CTDSPL: variants seen among roughly 807,000 people sequenced by gnomAD.
CTDSPL encodes CTD small phosphatase like.
In CTDSPL, 8 loss-of-function variants were observed where a neutral mutation model predicts 30.5. The ratio of observed to expected loss-of-function variants is 0.26; its 90% CI spans 0.15 to 0.47. The LOEUF (loss-of-function observed/expected upper bound fraction) is 0.47, where lower values mean the gene tolerates loss of function less well. Ranked by LOEUF, CTDSPL falls within the 20% of genes least tolerant of loss-of-function variation. The pLI is 0.99. For synonymous variants in CTDSPL, 110 were observed against 137.9 expected, an observed-to-expected ratio of 0.80 and a Z score of 1.42; for missense variants, 248 against 366.1, an observed-to-expected ratio of 0.68 and a Z score of 2.63.
Position 37,947,086 on chromosome 3 carries a change from C to A in CTDSPL, c.109C>A (p.Gln37Lys), listed in dbSNP as rs760547549. 2.5e-6 allele frequency: 4 copies of A among 1,613,790 alleles called. No individual in the cohort carries two copies. The highest frequency in any genetic ancestry group is 1.7e-5 in the Admixed American group (1 of 59,992). Residue 37 changes from glutamine (Q) to lysine (K), a missense_variant, in exon 2 of 8, where the codon CAG becomes AAG. This residue lies in a region of CTDSPL where 118 missense variants were observed against 124.7 expected (regional missense o/e 0.95). Coordinates refer to ENST00000273179, the MANE Select transcript of CTDSPL (RefSeq NM_001008392.2). ...CCAGTGCAACGTCAGCTTAAAGAAG[C>A]AGAGGAGCCGCAGCATCCTTAGCTC... is the stretch of plus-strand genomic sequence containing the variant. ...ASQCNVSLKK[Q>K]RSRSILSSFF...
rs1698827978 is a variant in CTDSPL at position 37,929,734 on chromosome 3, T to C, written c.80-17323T>C. On this transcript the variant is annotated intron_variant, in intron 1 of 7. Coordinates refer to ENST00000273179, the MANE Select transcript of CTDSPL (RefSeq NM_001008392.2). The stretch of plus-strand genomic sequence containing the variant: ...GATCATGTCGCTGTGATATTTTTAC[T>C]TCTTCCTTTCTGATTTGTATGCCTT... 2.0e-5 allele frequency among the ~76,000 whole-genome samples: 3 copies of C among 152,224 alleles called. No homozygotes were observed. The South Asian group carries it at 6.2e-4, about 31-fold the overall frequency.
chr3:37,862,288 G>GGC lies in CTDSPL; in HGVS notation c.79+13_79+14dup. On this transcript the variant is annotated intron_variant, in intron 1 of 7. Coordinates refer to ENST00000273179, the MANE Select transcript of CTDSPL (RefSeq NM_001008392.2). This position sits in a 1 kb window ranked among gnomAD's most constrained non-coding sequence, Gnocchi z 4.3. ...GGCGCGGGCGAGAAAGGTGAGGAGG[G>GGC]GCGCAGGCGGCCGCGGGCTGGGGGC... 1.3e-6 allele frequency: 2 copies of GGC among 1,486,954 alleles called. No homozygotes were observed. The highest frequency in any genetic ancestry group is 2.6e-5 in the South Asian group (2 of 78,246). 92.1% of individuals were successfully genotyped at this position (1,486,954 alleles called of 1,614,324 possible).
At chr3:37,953,819 A>C (rs186855564) in intron 2 of CTDSPL, among the ~76,000 whole-genome samples, 2 of 152,340 alleles carry the variant, frequency 1.3e-5, no homozygotes, top group Admixed American at 6.5e-5. Flanking sequence ...CAACCAACAC[A>C]GGAAAATCAA....
chr3:37,964,179 A>C (rs568901790), intron 3 of CTDSPL, among the ~76,000 whole-genome samples: 33 of 152,218 alleles, frequency 2.2e-4, no homozygotes, highest in African/African-American at 6.5e-4. Context: ...ATTATAATTA[A>C]ATACTCATTC....
chr3:37,947,286 C>G, intron 2 of CTDSPL, 75 bp downstream of exon 2: 1 of 1,520,072 alleles, frequency 6.6e-7, no homozygotes, highest in South Asian at 1.2e-5. Flanking sequence ...TGATGAATAT[C>G]CTTAAGAAGA....
At chr3:37,877,465 G>A (rs75612406) in intron 1 of CTDSPL, among the ~76,000 whole-genome samples, 7,018 of 152,258 alleles carry the variant, frequency 0.046, 191 homozygotes, top group Middle Eastern at 0.068. Context: ...GTGGTCCATT[G>A]TGTATGTATG....
intron 1 of CTDSPL, among the ~76,000 whole-genome samples, chr3:37,921,465 G>A (rs1174524063): frequency 2.0e-5 from 3 of 152,182 alleles, no homozygotes; most frequent in South Asian, 2.1e-4. Context: ...GCAGGTCGTC[G>A]GAGGTGTATC....
At chr3:37,973,980 G>C (rs566438104) in intron 6 of CTDSPL, among the ~76,000 whole-genome samples, 1 of 152,226 alleles carries the variant, frequency 6.6e-6, no homozygotes, top group Non-Finnish European at 1.5e-5. Flanking sequence ...CACAGGGCGC[G>C]TGCAGCCCAG....
chr3:37,903,795 A>G (rs113667320), intron 1 of CTDSPL, among the ~76,000 whole-genome samples: 4,022 of 151,742 alleles, frequency 0.027, 75 homozygotes, highest in Non-Finnish European at 0.044. Context: ...TTGCATTTCT[A>G]CTCTTCCCCA....
intron 1 of CTDSPL, among the ~76,000 whole-genome samples, chr3:37,926,284 C>G (rs961666843): frequency 6.6e-6 from 1 of 152,178 alleles, no homozygotes; most frequent in Non-Finnish European, 1.5e-5. Context: ...TTCATCAAAG[C>G]CATGCCAGGG....
chr3:37,935,706 G>C (rs906987078), intron 1 of CTDSPL, among the ~76,000 whole-genome samples: 2 of 152,170 alleles, frequency 1.3e-5, no homozygotes, highest in African/African-American at 4.8e-5. Context: ...AGGCTACCAG[G>C]AGTATTATGG....
At chr3:37,915,907 T>C (rs994818044) in intron 1 of CTDSPL, among the ~76,000 whole-genome samples, 8 of 152,234 alleles carry the variant, frequency 5.3e-5, no homozygotes, top group Non-Finnish European at 8.8e-5. Context: ...TTATCTTTCC[T>C]TAGGGAGAAT....
chr3:37,933,551 G>A (rs747169363), intron 1 of CTDSPL, among the ~76,000 whole-genome samples: 1 of 152,148 alleles, frequency 6.6e-6, no homozygotes, highest in African/African-American at 2.4e-5. Flanking sequence ...ATTCTCAGTA[G>A]GCAATATAGT....
intron 3 of CTDSPL, among the ~76,000 whole-genome samples, chr3:37,962,208 A>C (rs1699252094): frequency 1.3e-5 from 2 of 152,226 alleles, no homozygotes; most frequent in African/African-American, 4.8e-5. Flanking sequence ...AGCACTGTGT[A>C]TTGTCATTAT....
In CTDSPL at chr3:37,923,587, C is replaced by T. The variant is rs186363472; in HGVS notation, c.80-23470C>T. 1.7e-4 allele frequency among the ~76,000 whole-genome samples: 26 copies of T among 152,206 alleles called. 1 individual carries two copies. The South Asian group carries it at 4.6e-3, about 27-fold the overall frequency. ...TCCATTTATAAAGTTATTATATACCCTATAAAATTCCAGGTTAAGGAACAA... is the reference window on the plus strand; with the variant it reads ...TCCATTTATAAAGTTATTATATACCTTATAAAATTCCAGGTTAAGGAACAA... On this transcript the variant is annotated intron_variant, in intron 1 of 7. Transcript: ENST00000273179.
chr3:37,874,473 T>C (rs1698111001), intron 1 of CTDSPL, among the ~76,000 whole-genome samples: 1 of 152,200 alleles, frequency 6.6e-6, no homozygotes, highest in Admixed American at 6.5e-5. Context: ...GCTCAATGCC[T>C]GTAATCCCAG....
intron 1 of CTDSPL, among the ~76,000 whole-genome samples, chr3:37,912,824 C>G (rs1698598700): frequency 6.6e-6 from 1 of 152,248 alleles, no homozygotes; most frequent in Non-Finnish European, 1.5e-5. Context: ...TTCTCATCAT[C>G]ATAGCCCAAC....
intron 2 of CTDSPL, among the ~76,000 whole-genome samples, chr3:37,956,626 C>T (rs976180330): frequency 2.0e-5 from 3 of 152,092 alleles, no homozygotes; most frequent in Admixed American, 6.5e-5. Flanking sequence ...TGCCTTGTCC[C>T]CTCTCCCCAG....
intron 4 of CTDSPL, among the ~76,000 whole-genome samples, chr3:37,965,445 A>G (rs942112110): frequency 1.2e-4 from 19 of 152,202 alleles, no homozygotes; most frequent in Admixed American, 7.9e-4. Flanking sequence ...CAAATGATGA[A>G]AAGTTTGGAA....
Sources: gnomAD v4.1 joint callset for allele counts (sites outside exome capture counted in the v4.1 genomes callset) on GRCh38, gnomAD v4.1.1 for gene constraint, gnomAD v4.1.1 regional missense constraint, Gnocchi (gnomAD v3.1) non-coding constraint, MANE v1.5 for transcripts, NCBI Gene and HGNC (gene_info 2026-07-23, HGNC 2026-07-21) for gene names.